Variants in LYN observed in about 807,000 individuals in gnomAD.
The protein encoded by LYN is LYN proto-oncogene, Src family tyrosine kinase.
LYN carries 12 observed loss-of-function variants against 65.0 expected under a neutral mutation model. That is an observed-to-expected ratio of 0.18 (90% CI 0.12 to 0.30). The LOEUF is 0.30. Among genes scored for constraint, LYN ranks in the 10% least tolerant of loss-of-function variants. The probability of loss-of-function intolerance (pLI) is 1.00; values close to 1 mark genes in which losing one functional copy is unlikely to be tolerated. For missense variants in LYN, 380 were observed against 623.2 expected (o/e 0.61, Z 4.16); for synonymous variants, 222 against 221.2 (o/e 1.00, Z -0.03).
intron 10 of LYN, among the ~76,000 whole-genome samples, chr8:55,979,325 A>G (rs1807853213): frequency 6.6e-6 from 1 of 152,214 alleles, no homozygotes; most frequent in African/African-American, 2.4e-5. Flanking sequence ...TACAGGCGTC[A>G]GCCACCGTGC....
intron 12 of LYN, among the ~76,000 whole-genome samples, chr8:56,004,092 C>T (rs1267711758): frequency 1.3e-5 from 2 of 151,182 alleles, no homozygotes; most frequent in Non-Finnish European, 2.9e-5. Context: ...GCCACCATGC[C>T]CAGCTAATTT....
intron 1 of LYN, among the ~76,000 whole-genome samples, chr8:55,908,306 G>T (rs544417761): frequency 6.6e-6 from 1 of 151,580 alleles, no homozygotes; most frequent in African/African-American, 2.4e-5. Context: ...GTGCAGTGGT[G>T]CAATCTCGAC....
At chr8:55,946,393 T>C in intron 2 of LYN, 55 bp from the exon 3 acceptor site, 2 of 1,109,382 alleles carry the variant, frequency 1.8e-6, no homozygotes, top group Non-Finnish European at 2.7e-6. Context: ...ACAACACGAA[T>C]GTGAGTAAGA....
At chr8:55,884,356 C>T (rs984195277) in intron 1 of LYN, among the ~76,000 whole-genome samples, 7 of 152,120 alleles carry the variant, frequency 4.6e-5, no homozygotes, top group East Asian at 1.9e-4. Context: ...CTGCCCGTCT[C>T]GTCCTCACAA....
intron 8 of LYN, among the ~76,000 whole-genome samples, chr8:55,959,971 A>G (rs1284271969): frequency 6.6e-6 from 1 of 152,236 alleles, no homozygotes; most frequent in Non-Finnish European, 1.5e-5. Context: ...AGGCAAATCT[A>G]GAGTTAGAAA....
At chr8:55,917,312 A>G (rs1174203157) in intron 1 of LYN, among the ~76,000 whole-genome samples, 1 of 152,108 alleles carries the variant, frequency 6.6e-6, no homozygotes, top group Non-Finnish European at 1.5e-5. Context: ...CAGCCTCCCA[A>G]GTAGCTGGGA....
At chr8:55,923,657 G>A (rs953139560) in intron 1 of LYN, among the ~76,000 whole-genome samples, 2 of 151,618 alleles carry the variant, frequency 1.3e-5, no homozygotes, top group Admixed American at 6.6e-5. Context: ...CTCCTGCCTC[G>A]GCCTCTTGAG....
intron 12 of LYN, among the ~76,000 whole-genome samples, chr8:56,003,208 C>T (rs565521827): frequency 3.3e-5 from 5 of 150,914 alleles, no homozygotes; most frequent in Admixed American, 6.6e-5. Context: ...TACAGGTGCC[C>T]GCCACCACGC....
At chr8:55,935,926 A>C (rs944380593) in intron 1 of LYN, among the ~76,000 whole-genome samples, 1 of 152,160 alleles carries the variant, frequency 6.6e-6, no homozygotes, top group Non-Finnish European at 1.5e-5. Flanking sequence ...CAACCAGGCT[A>C]TTGTGTCCCC....
At chr8:55,950,232 T>G (rs1182095613) in intron 4 of LYN, among the ~76,000 whole-genome samples, 1 of 152,252 alleles carries the variant, frequency 6.6e-6, no homozygotes, top group African/African-American at 2.4e-5. Context: ...TGAACATTCA[T>G]GTACAAGTTT....
chr8:55,985,387 C>T (rs1199234523), intron 10 of LYN, among the ~76,000 whole-genome samples: 2 of 152,092 alleles, frequency 1.3e-5, no homozygotes, highest in South Asian at 2.1e-4. Context: ...AGGCTTCCCT[C>T]GCAAACACAT....
At chr8:55,991,993 G>A (rs1375245274) in intron 10 of LYN, among the ~76,000 whole-genome samples, 1 of 152,190 alleles carries the variant, frequency 6.6e-6, no homozygotes, top group Non-Finnish European at 1.5e-5. Flanking sequence ...TACGTGATTA[G>A]TCTCATTTTT....
intron 10 of LYN, among the ~76,000 whole-genome samples, chr8:55,985,053 C>CGG (rs923775333): frequency 6.6e-6 from 1 of 152,136 alleles, no homozygotes; most frequent in African/African-American, 2.4e-5. Context: ...CTTCAATAGT[C>CGG]GGGAAACACT....
intron 1 of LYN, among the ~76,000 whole-genome samples, chr8:55,910,569 G>A (rs1484308705): frequency 6.6e-6 from 1 of 152,172 alleles, no homozygotes; most frequent in African/African-American, 2.4e-5. Context: ...ATAATTTGAA[G>A]TCAAGTAATA....
intron 1 of LYN, among the ~76,000 whole-genome samples, chr8:55,906,060 T>TA (rs1248847359): frequency 6.6e-6 from 1 of 152,236 alleles, no homozygotes; most frequent in Admixed American, 6.5e-5. Context: ...GTTCATCTGA[T>TA]ATGTGCAGTT....
At chr8:55,964,940 A>G (rs1189800245) in intron 8 of LYN, among the ~76,000 whole-genome samples, 1 of 152,174 alleles carries the variant, frequency 6.6e-6, no homozygotes, top group African/African-American at 2.4e-5. Flanking sequence ...CCTTAGGTGG[A>G]TAGGGCAGGT....
chr8:55,938,628 C>A (rs1806509796), intron 1 of LYN, among the ~76,000 whole-genome samples: 1 of 152,134 alleles, frequency 6.6e-6, no homozygotes, highest in Non-Finnish European at 1.5e-5. Context: ...CTCTGGTTTT[C>A]TGGTTTTATT....
intron 11 of LYN, among the ~76,000 whole-genome samples, chr8:55,998,866 A>G (rs936149645): frequency 6.6e-6 from 1 of 152,238 alleles, no homozygotes; most frequent in Admixed American, 6.5e-5. Flanking sequence ...CATTAATTCT[A>G]TATTGTTTAT....
rs996335754 is a variant in LYN, at chr8:55,959,816, TAAA to T, written c.790+5842_790+5844del. On this transcript the variant is annotated intron_variant, in intron 8 of 12. Transcript: ENST00000519728. ...ATTCATACAATGGAGTATTTGGCAA[TAAA>T]AAAAAAAAATGACCTGGCATACTTC... Among the ~76,000 whole-genome samples, 48 of 143,350 alleles carry T rather than the reference TAAA, an allele frequency of 3.3e-4. 1 individual carries two copies. The highest frequency in any genetic ancestry group is 1.2e-3 in the African/African-American group (46 of 39,268). The allele number at this position is 143,350 out of a possible 152,430, so 94.0% of individuals were successfully genotyped here.
Sources: allele counts gnomAD v4.1 joint callset (sites outside exome capture counted in the v4.1 genomes callset), GRCh38; gene constraint gnomAD v4.1.1; transcripts MANE v1.5; gene names NCBI Gene and HGNC (gene_info 2026-07-23, HGNC 2026-07-21).